Variants in ANXA3 observed in about 807,000 individuals in gnomAD.
ANXA3 encodes annexin A3, also known as 35-alpha calcimedin.
A neutral mutation model predicts 48.8 loss-of-function variants in ANXA3; 46 were observed. That is an observed-to-expected ratio of 0.94 (90% CI 0.74 to 1.21). The LOEUF is 1.21. Among genes scored for constraint, ANXA3 ranks in the 50% most tolerant of loss-of-function variants. The probability of loss-of-function intolerance (pLI) is 0.00; values close to 1 mark genes in which losing one functional copy is unlikely to be tolerated. For synonymous variants in ANXA3, 128 were observed against 134.7 expected (o/e 0.95, Z 0.35); for missense variants, 383 against 378.6 (o/e 1.01, Z -0.10).
chr4:78,606,950 A>G (rs1309818344), intron 12 of ANXA3, among the ~76,000 whole-genome samples: 1 of 152,222 alleles, frequency 6.6e-6, no homozygotes, highest in African/African-American at 2.4e-5. Flanking sequence ...CATCAGAGGA[A>G]GATTCAATAA....
At chr4:78,606,164 T>A (rs1723641917) in intron 12 of ANXA3, among the ~76,000 whole-genome samples, 1 of 152,208 alleles carries the variant, frequency 6.6e-6, no homozygotes, top group African/African-American at 2.4e-5. Flanking sequence ...TATGCAGACC[T>A]CTCCGTCTCT....
intron 3 of ANXA3, among the ~76,000 whole-genome samples, chr4:78,574,693 T>C (rs373786497): frequency 8.8e-4 from 134 of 152,362 alleles, no homozygotes; most frequent in African/African-American, 3.1e-3. Flanking sequence ...TATGGTGAGC[T>C]CTAGTGCATT....
intron 6 of ANXA3, among the ~76,000 whole-genome samples, chr4:78,591,133 A>G (rs1409831075): frequency 6.6e-6 from 1 of 152,236 alleles, no homozygotes; most frequent in Non-Finnish European, 1.5e-5. Context: ...GCTAAGAGGA[A>G]AGCTGAGAAA....
chr4:78,568,478 C>G (rs1429186316), intron 2 of ANXA3, among the ~76,000 whole-genome samples: 2 of 152,080 alleles, frequency 1.3e-5, no homozygotes, highest in Non-Finnish European at 2.9e-5. Flanking sequence ...TGGATGTGGC[C>G]TTTATAGGGC....
In ANXA3 at chr4:78,591,567, G is replaced by A; in HGVS notation, c.427G>A (p.Asp143Asn). 1 of 1,613,362 alleles carries A rather than the reference G, an allele frequency of 6.2e-7. No homozygotes were observed. The stretch of plus-strand genomic sequence containing the variant: ...AGTATACAAGAAGAGTCTTGGAGAT[G>A]ACATTAGTTCCGAAACATCTGGTGA... Reference protein sequence around the residue: ...YTVYKKSLGDDISSETSGDFR... With the variant: ...YTVYKKSLGDNISSETSGDFR... The change falls in exon 7 of 13, where the codon GAC becomes AAC. Residue 143 changes from aspartate (D) to asparagine (N), a missense_variant. Asp to Asn is a conservative substitution (Grantham distance 23). Coordinates refer to ENST00000264908, the MANE Select transcript of ANXA3 (RefSeq NM_005139.3).
At chr4:78,592,819 T>C (rs1723326888) in intron 7 of ANXA3, among the ~76,000 whole-genome samples, 1 of 152,168 alleles carries the variant, frequency 6.6e-6, no homozygotes, top group African/African-American at 2.4e-5. Context: ...GTTAGTATTA[T>C]ATTAAGACCG....
At chr4:78,580,038 T>C (rs1723041627) in intron 4 of ANXA3, among the ~76,000 whole-genome samples, 2 of 152,218 alleles carry the variant, frequency 1.3e-5, no homozygotes, top group Non-Finnish European at 1.5e-5. Flanking sequence ...ATCCTAGACA[T>C]TGGAAATAGA....
intron 2 of ANXA3, among the ~76,000 whole-genome samples, chr4:78,564,083 G>A (rs1722681069): frequency 6.6e-6 from 1 of 152,200 alleles, no homozygotes; most frequent in Non-Finnish European, 1.5e-5. Context: ...TTTATAATCT[G>A]CTTTAAACAA....
intron 3 of ANXA3, 108 bp downstream of exon 3, chr4:78,573,375 A>C (rs1171310860): frequency 1.3e-6 from 1 of 766,154 alleles, no homozygotes; most frequent in Non-Finnish European, 2.1e-6. Flanking sequence ...ATAAATTGTC[A>C]GGAATTTTCT....
chr4:78,569,660 G>A lies in ANXA3; in HGVS notation c.16-3520G>A, dbSNP rs573652686. ...CTGCATCCTGGCCCTGCAGTTGTTG[G>A]TTCAGGAACACTGGGGTTGGGCCTG... On this transcript the variant is annotated intron_variant, in intron 2 of 12. Coordinates refer to ENST00000264908, the MANE Select transcript of ANXA3 (RefSeq NM_005139.3). 1.4e-4 allele frequency among the ~76,000 whole-genome samples: 21 copies of A among 152,320 alleles called. 1 individual carries two copies. Among genetic ancestry groups the A allele is most frequent in the Admixed American group, 1.0e-3 (16 of 15,304 alleles).
rs112002303 is a variant in ANXA3, at chr4:78,589,677, G to A, written c.404-1867G>A. Among the ~76,000 whole-genome samples, 654 of 152,174 alleles carry A rather than the reference G, an allele frequency of 4.3e-3. 5 individuals carry two copies. Among genetic ancestry groups the A allele is most frequent in the African/African-American group, 0.014 (600 of 41,504 alleles). On this transcript the variant is annotated intron_variant, in intron 6 of 12. Transcript: ENST00000264908. ...CTACTGTTTTCTTCATTATTTCCAG[G>A]AGTCTTTTGGTTCTTTGTTATTCTA...
chr4:78,597,208 G>A (rs372028565), intron 9 of ANXA3, 111 bp from the exon 10 acceptor site: 13 of 676,700 alleles, frequency 1.9e-5, no homozygotes, highest in African/African-American at 1.5e-4. Context: ...GTTTAAAGAG[G>A]GAGTTTTTTA....
intron 5 of ANXA3, among the ~76,000 whole-genome samples, chr4:78,584,818 A>C (rs1723140258): frequency 6.6e-6 from 1 of 152,264 alleles, no homozygotes; most frequent in Non-Finnish European, 1.5e-5. Context: ...AGAGGCGAAG[A>C]GCAGGGTAGG....
intron 2 of ANXA3, among the ~76,000 whole-genome samples, chr4:78,565,177 A>G (rs1041695313): frequency 6.6e-6 from 1 of 152,056 alleles, no homozygotes; most frequent in Admixed American, 6.6e-5. Flanking sequence ...TATTTTTAGT[A>G]GAGGCAGAGT....
intron 9 of ANXA3, among the ~76,000 whole-genome samples, chr4:78,596,877 A>T (rs1723433911): frequency 6.6e-6 from 1 of 152,242 alleles, no homozygotes; most frequent in Admixed American, 6.5e-5. Flanking sequence ...GAAGTAGGCC[A>T]TGCCACCTTA....
chr4:78,561,514 T>C (rs1722627634), intron 2 of ANXA3, among the ~76,000 whole-genome samples: 1 of 152,158 alleles, frequency 6.6e-6, no homozygotes. Context: ...TTCATACTCC[T>C]TGCTTTGACA....
At position 78,598,179 on chromosome 4, in the gene ANXA3, C is replaced by CCACA. The variant is rs57634883; in HGVS notation, c.730+790_730+793dup. 5.5e-3 allele frequency among the ~76,000 whole-genome samples: 798 copies of CCACA among 144,756 alleles called. 7 individuals carry two copies. The highest frequency in any genetic ancestry group is 0.025 in the Middle Eastern group (7 of 282). The allele number at this position is 144,756 out of a possible 152,430, so 95.0% of individuals were successfully genotyped here. A position where few individuals can be genotyped will look rare whatever the true frequency, so the allele number is the denominator to read the frequency against. On this transcript the variant is annotated intron_variant, in intron 10 of 12. Transcript: ENST00000264908. ...GATCTTGTCTCTTTAATTAAAAAAA[C>CCACA]CACACACACACACACACACACACAC...
chr4:78,599,048 A>G (rs1723485564), intron 10 of ANXA3, among the ~76,000 whole-genome samples: 1 of 152,212 alleles, frequency 6.6e-6, no homozygotes, highest in Admixed American at 6.5e-5. Context: ...TTATAATTCA[A>G]TTGAAGTTCA....
At chr4:78,557,459 A>G (rs895337649) in intron 2 of ANXA3, among the ~76,000 whole-genome samples, 11 of 152,194 alleles carry the variant, frequency 7.2e-5, no homozygotes, top group Non-Finnish European at 1.2e-4. Context: ...AACACAATAC[A>G]TTGACAATTC....
Sources: allele counts gnomAD v4.1 joint callset (sites outside exome capture counted in the v4.1 genomes callset), GRCh38; gene constraint gnomAD v4.1.1; transcripts MANE v1.5; gene names NCBI Gene and HGNC (gene_info 2026-07-23, HGNC 2026-07-21).